Variants in DGKB observed in about 807,000 individuals in gnomAD.
The protein encoded by DGKB is 90 kDa diacylglycerol kinase.
DGKB carries 67 observed loss-of-function variants against 114.3 expected under a neutral mutation model. The observed-to-expected ratio is 0.59, with a 90% CI of 0.48 to 0.72. The LOEUF is 0.72. DGKB is among the 30% of genes least tolerant of loss of function. DGKB has a pLI of 0.00. For missense variants in DGKB, 907 were observed against 975.2 expected (o/e 0.93, Z 0.93); for synonymous variants, 398 against 323.1 (o/e 1.23, Z -2.49).
rs1318211509 is a variant in DGKB at position 14,801,917 on chromosome 7, T to TAC, written c.70+39276_70+39277insGT. On this transcript the variant is annotated intron_variant, in intron 2 of 25. Transcript: ENST00000402815. ...ATATATACACACATATACACACATA[T>TAC]ATACATATACACACACACACACACA... Among the ~76,000 whole-genome samples, 230 of 128,522 alleles carry TAC rather than the reference T, an allele frequency of 1.8e-3. 1 individual carries two copies. The highest frequency in any genetic ancestry group is 8.8e-3 in the African/African-American group (222 of 25,152). 84.3% of individuals were successfully genotyped at this position (128,522 alleles called of 152,430 possible).
intron 21 of DGKB, among the ~76,000 whole-genome samples, chr7:14,369,553 C>G (rs1817273711): frequency 6.6e-6 from 1 of 152,156 alleles, no homozygotes; most frequent in African/African-American, 2.4e-5. Flanking sequence ...TAAAAGTGTT[C>G]CTATTTCTCC....
At chr7:14,665,708 C>A (rs1317319944) in intron 13 of DGKB, among the ~76,000 whole-genome samples, 2 of 151,742 alleles carry the variant, frequency 1.3e-5, no homozygotes, top group East Asian at 1.9e-4. Flanking sequence ...TTGATGGTGG[C>A]AGAATTAATT....
chr7:14,495,102 T>C (rs1785108799), intron 20 of DGKB, among the ~76,000 whole-genome samples: 1 of 151,886 alleles, frequency 6.6e-6, no homozygotes, highest in African/African-American at 2.4e-5. Context: ...AGTTGACCCA[T>C]GATTCTCTAG....
intron 23 of DGKB, among the ~76,000 whole-genome samples, chr7:14,211,313 G>A (rs1440341146): frequency 8.5e-6 from 1 of 117,838 alleles, no homozygotes; most frequent in Non-Finnish European, 1.6e-5. Flanking sequence ...CTCATGTTTT[G>A]TGATATTTAC....
intron 4 of DGKB, among the ~76,000 whole-genome samples, chr7:14,741,646 T>C (rs569400775): frequency 6.6e-6 from 1 of 152,370 alleles, no homozygotes; most frequent in African/African-American, 2.4e-5. Flanking sequence ...AGCTTTCTTT[T>C]GTGAATCTTC....
chr7:14,707,435 G>A lies in DGKB; in HGVS notation c.467-5705C>T, dbSNP rs1585849532. On this transcript the variant is annotated intron_variant, in intron 6 of 25. Transcript: ENST00000402815. ...CCTTCTGAAACTATTCCAATCAATA[G>A]AAAAAGAGGGAATCCTCCCTAACTC... Among the ~76,000 whole-genome samples the A allele has an allele frequency of 2.9e-5, 4 of 138,738 alleles. No individual in the cohort carries two copies. The South Asian group carries it at 1.0e-3, about 36-fold the overall frequency. 91.0% of individuals were successfully genotyped at this position (138,738 alleles called of 152,430 possible). A position where few individuals can be genotyped will look rare whatever the true frequency, so the allele number is the denominator to read the frequency against.
At chr7:14,763,261 C>G (rs902783280) in intron 2 of DGKB, among the ~76,000 whole-genome samples, 1 of 152,058 alleles carries the variant, frequency 6.6e-6, no homozygotes, top group African/African-American at 2.4e-5. Flanking sequence ...AGGACCTCCT[C>G]AAACACAGTA....
chr7:14,442,291 C>T (rs1168260292), intron 21 of DGKB, among the ~76,000 whole-genome samples: 1 of 151,888 alleles, frequency 6.6e-6, no homozygotes, highest in Non-Finnish European at 1.5e-5. Context: ...TTTTCAAGTA[C>T]ACTGAAATAA....
intron 23 of DGKB, among the ~76,000 whole-genome samples, chr7:14,324,644 A>G (rs1049678664): frequency 3.9e-5 from 6 of 152,124 alleles, no homozygotes; most frequent in African/African-American, 1.4e-4. Flanking sequence ...CAATAATTAT[A>G]CTTTCTACAT....
chr7:14,829,611 G>A, intron 2 of DGKB, among the ~76,000 whole-genome samples: 1 of 152,060 alleles, frequency 6.6e-6, no homozygotes, highest in East Asian at 1.9e-4. Context: ...CTCCAAGATG[G>A]ATTCTTTGAG....
rs540292638 is a variant in DGKB at position 14,241,140 on chromosome 7, C to CCTA, written c.2123-62992_2123-62990dup. ...ATAAATGTACGGCGCTTTCATCTAA[C>CCTA]CTAGCCCCATGGGCATTTAATGAAA... On this transcript the variant is annotated intron_variant, in intron 23 of 25. Coordinates refer to ENST00000402815, the MANE Select transcript of DGKB (RefSeq NM_001350709.2). Among the ~76,000 whole-genome samples, 389 of 152,216 alleles carry CCTA rather than the reference C, an allele frequency of 2.6e-3. 2 individuals are homozygous for CCTA. The highest frequency in any genetic ancestry group is 8.4e-3 in the African/African-American group (350 of 41,558).
intron 23 of DGKB, among the ~76,000 whole-genome samples, chr7:14,270,981 C>T (rs962666845): frequency 1.3e-5 from 2 of 152,186 alleles, no homozygotes; most frequent in East Asian, 3.8e-4. Flanking sequence ...TATCTTCTTT[C>T]CCATCTTACA....
chr7:14,731,170 A>G (rs1423244946), intron 5 of DGKB, among the ~76,000 whole-genome samples: 1 of 152,200 alleles, frequency 6.6e-6, no homozygotes, highest in African/African-American at 2.4e-5. Flanking sequence ...CTTGGATGCT[A>G]TTCACCAAAA....
chr7:14,723,635 C>T (rs1453510316), intron 5 of DGKB, among the ~76,000 whole-genome samples: 1 of 150,900 alleles, frequency 6.6e-6, no homozygotes, highest in East Asian at 1.9e-4. Flanking sequence ...TACAATAGTA[C>T]AAAATAAAGT....
At chr7:14,558,729 C>G (rs1312122340) in intron 20 of DGKB, among the ~76,000 whole-genome samples, 1 of 152,142 alleles carries the variant, frequency 6.6e-6, no homozygotes, top group Non-Finnish European at 1.5e-5. Flanking sequence ...CTCTACTCAC[C>G]TGCTCAGCAA....
intron 20 of DGKB, among the ~76,000 whole-genome samples, chr7:14,511,822 G>T (rs1788018538): frequency 6.6e-6 from 1 of 151,906 alleles, no homozygotes; most frequent in African/African-American, 2.4e-5. Flanking sequence ...TTTCAATATT[G>T]TGTCTCAGGG....
intron 21 of DGKB, among the ~76,000 whole-genome samples, chr7:14,425,554 T>C (rs1827384098): frequency 6.6e-6 from 1 of 152,174 alleles, no homozygotes; most frequent in Non-Finnish European, 1.5e-5. Context: ...GGAACACCTA[T>C]ATCCAACATA....
At chr7:14,326,978 A>C (rs1415896046) in intron 23 of DGKB, among the ~76,000 whole-genome samples, 1 of 152,156 alleles carries the variant, frequency 6.6e-6, no homozygotes, top group Non-Finnish European at 1.5e-5. Flanking sequence ...CTCACTAGTA[A>C]ATACTCATGT....
chr7:14,283,291 G>A (rs1800284581), intron 23 of DGKB, among the ~76,000 whole-genome samples: 2 of 151,156 alleles, frequency 1.3e-5, no homozygotes, highest in Non-Finnish European at 2.9e-5. Flanking sequence ...AAATACCTAG[G>A]AATCCAACTT....
Sources: allele counts gnomAD v4.1 joint callset (sites outside exome capture counted in the v4.1 genomes callset), GRCh38; gene constraint gnomAD v4.1.1; transcripts MANE v1.5; gene names NCBI Gene and HGNC (gene_info 2026-07-23, HGNC 2026-07-21).